ESR1: variants seen among roughly 807,000 people sequenced by gnomAD.
ESR1 encodes the protein estrogen receptor.
Under a neutral mutation model 52.7 loss-of-function variants are expected in ESR1, and 12 were observed. That is an observed-to-expected ratio of 0.23 (90% CI 0.15 to 0.37). The LOEUF (loss-of-function observed/expected upper bound fraction) is 0.37, where lower values mean the gene tolerates loss of function less well. Ranked by LOEUF, ESR1 falls within the 10% of genes least tolerant of loss-of-function variation. ESR1 has a pLI of 1.00. For synonymous variants in ESR1, 305 were observed against 316.8 expected (o/e 0.96, Z 0.39); for missense variants, 584 against 779.7 (o/e 0.75, Z 2.99).
chr6:152,074,145 C>T (rs1374661650), intron 6 of ESR1, among the ~76,000 whole-genome samples: 1 of 152,150 alleles, frequency 6.6e-6, no homozygotes, highest in Non-Finnish European at 1.5e-5. Flanking sequence ...GCATAGTTTG[C>T]ATTGGCGTTG....
chr6:151,851,567 A>G (rs1421893395), intron 2 of ESR1, among the ~76,000 whole-genome samples: 1 of 146,466 alleles, frequency 6.8e-6, no homozygotes, highest in Admixed American at 7.1e-5. Context: ...TCACTCTGTC[A>G]CTGAGGCTGC....
intron 1 of ESR1, among the ~76,000 whole-genome samples, chr6:151,668,618 T>G (rs921574687): frequency 2.0e-5 from 3 of 152,112 alleles, no homozygotes; most frequent in African/African-American, 7.2e-5. Flanking sequence ...TAAGGGCACC[T>G]AATTTCATTC....
chr6:152,044,464 A>C (rs926954260), intron 5 of ESR1, among the ~76,000 whole-genome samples: 2 of 152,158 alleles, frequency 1.3e-5, no homozygotes, highest in Admixed American at 1.3e-4. Context: ...TATTAAGGAG[A>C]ATTGACTCAC....
At chr6:152,009,143 T>A (rs2042568096) in intron 4 of ESR1, among the ~76,000 whole-genome samples, 1 of 152,088 alleles carries the variant, frequency 6.6e-6, no homozygotes, top group Admixed American at 6.6e-5. Flanking sequence ...ACCAAATCAT[T>A]GCTTTTTCAT....
intron 4 of ESR1, 42 bp downstream of exon 4, chr6:151,944,550 C>A (rs1245971194): frequency 6.4e-7 from 1 of 1,557,320 alleles, no homozygotes; most frequent in Non-Finnish European, 8.9e-7. Context: ...AATAGCTTTT[C>A]AAGAACTTGT....
intron 4 of ESR1, among the ~76,000 whole-genome samples, chr6:151,975,019 T>C (rs921318090): frequency 2.6e-5 from 4 of 152,216 alleles, no homozygotes; most frequent in African/African-American, 9.6e-5. Flanking sequence ...CCTAGATTAC[T>C]CAGGCTGGGT....
intron 3 of ESR1, among the ~76,000 whole-genome samples, chr6:151,940,079 C>T (rs1378021149): frequency 6.6e-6 from 1 of 152,104 alleles, no homozygotes; most frequent in Admixed American, 6.5e-5. Flanking sequence ...CACAGTTCCA[C>T]ATGGCTGGGG....
intron 5 of ESR1, among the ~76,000 whole-genome samples, chr6:152,018,278 T>C (rs1179786678): frequency 6.6e-6 from 1 of 151,652 alleles, no homozygotes; most frequent in Non-Finnish European, 1.5e-5. Flanking sequence ...CATTTTAGGT[T>C]GTTTATTGTA....
chr6:151,845,779 A>G (rs950266392), intron 2 of ESR1, among the ~76,000 whole-genome samples: 1 of 152,180 alleles, frequency 6.6e-6, no homozygotes, highest in African/African-American at 2.4e-5. Context: ...TTCTGGAAGA[A>G]GCCTAGAAAG....
chr6:151,754,324 C>T lies in ESR1; in HGVS notation c.-71+52319C>T, dbSNP rs566869740. ...AGAACATAAAAATCTCTATCTATTG[C>T]TATTTTTTTTTTTTTTGCATAAGGG... On this transcript the variant is annotated intron_variant, in intron 2 of 2. Transcript: ENST00000404742. Among the ~76,000 whole-genome samples the T allele has an allele frequency of 7.0e-3, 758 of 108,104 alleles. 6 individuals are homozygous for T. Among genetic ancestry groups the T allele is most frequent in the Middle Eastern group, 0.016 (3 of 190 alleles). The allele number at this position is 108,104 out of a possible 152,430, so 70.9% of individuals were successfully genotyped here.
In ESR1 at chr6:151,967,263, C is replaced by T. The variant is rs537688280; in HGVS notation, c.1096+22755C>T. Among the ~76,000 whole-genome samples the T allele has an allele frequency of 1.2e-4, 18 of 152,162 alleles. No homozygotes were observed. The South Asian group carries it at 3.7e-3, about 32-fold the overall frequency. ...GTTTGTTACATAGGTATATACGTGC[C>T]ATGGTGGTTTGCTGCACCCACCAAC... On this transcript the variant is annotated intron_variant, in intron 4 of 7. Transcript: ENST00000206249.
At chr6:151,823,368 AATGAC>A (rs149091167) in intron 1 of ESR1, among the ~76,000 whole-genome samples, 9,306 of 152,296 alleles carry the variant, frequency 0.061, 440 homozygotes, top group Non-Finnish European at 0.092. Context: ...TTAAACCTAC[AATGAC>A]ATTGCTGTCA....
intron 6 of ESR1, among the ~76,000 whole-genome samples, chr6:152,076,875 G>C (rs1253049315): frequency 6.6e-6 from 1 of 152,180 alleles, no homozygotes; most frequent in Non-Finnish European, 1.5e-5. Context: ...AAACCATTCT[G>C]TTTTAAAAGA....
intron 3 of ESR1, 26 bp from the exon 4 acceptor site, chr6:151,944,147 A>ATT (rs55740371): frequency 8.7e-4 from 1,335 of 1,528,162 alleles, no homozygotes; most frequent in Non-Finnish European, 1.1e-3. Context: ...AAATAAACTA[A>ATT]TTTTTTTTTC....
chr6:151,767,157 A>G (rs1468956864), intron 2 of ESR1, among the ~76,000 whole-genome samples: 2 of 152,184 alleles, frequency 1.3e-5, no homozygotes, highest in African/African-American at 4.8e-5. Flanking sequence ...CAAATTCAGT[A>G]CTTGTCTCTC....
chr6:151,990,923 G>C (rs1463633603), intron 4 of ESR1, among the ~76,000 whole-genome samples: 1 of 152,056 alleles, frequency 6.6e-6, no homozygotes, highest in African/African-American at 2.4e-5. Context: ...CTATAAACAT[G>C]TATAAATTTG....
chr6:151,994,325 A>G (rs1171902647), intron 4 of ESR1, among the ~76,000 whole-genome samples: 1 of 152,218 alleles, frequency 6.6e-6, no homozygotes, highest in East Asian at 1.9e-4. Context: ...CCCACATGAT[A>G]TGGAAAACAT....
At chr6:151,762,059 A>G (rs1411078264) in intron 2 of ESR1, among the ~76,000 whole-genome samples, 1 of 152,122 alleles carries the variant, frequency 6.6e-6, no homozygotes, top group African/African-American at 2.4e-5. Context: ...TGAAATCACA[A>G]CCTCTGCAGA....
At chr6:151,899,087 C>T (rs1348607854) in intron 3 of ESR1, among the ~76,000 whole-genome samples, 1 of 142,036 alleles carries the variant, frequency 7.0e-6, no homozygotes, top group Non-Finnish European at 1.5e-5. Flanking sequence ...CTGACCCCCC[C>T]ACCTCCCTCC....
Sources: gnomAD v4.1 joint callset for allele counts (sites outside exome capture counted in the v4.1 genomes callset) on GRCh38, gnomAD v4.1.1 for gene constraint, MANE v1.5 for transcripts, NCBI Gene and HGNC (gene_info 2026-07-23, HGNC 2026-07-21) for gene names.